Variants in ITGA6 observed in about 807,000 individuals in gnomAD.
The protein encoded by ITGA6 is integrin alpha-6.
In ITGA6, 63 loss-of-function variants were observed where a neutral mutation model predicts 133.6. That is an observed-to-expected ratio of 0.47 (90% CI 0.38 to 0.58). The LOEUF is 0.58. ITGA6 is among the 20% of genes least tolerant of loss of function. ITGA6 has a pLI of 0.00. For missense variants in ITGA6, 1,068 were observed against 1,309.4 expected (o/e 0.82, Z 2.85); for synonymous variants, 434 against 482.0 (o/e 0.90, Z 1.30).
rs1189584064 is a variant in ITGA6, at chr2:172,501,784, A to G, written c.3127A>G (p.Lys1043Glu). Reference sequence around the variant, plus strand: ...TGCTTCCTTGTAGTGTGGTTTCTTCAAGAGAAATAAGAAAGATCATTATGA... The same window carrying G: ...TGCTTCCTTGTAGTGTGGTTTCTTCGAGAGAAATAAGAAAGATCATTATGA... ...VFILWKCGFF[K>E]RNKKDHYDAT... Residue 1043 changes from lysine to glutamate, a missense_variant, in exon 25 of 26, where the codon AAG becomes GAG. Transcript: ENST00000684293. 1 of 1,612,512 alleles carries G rather than the reference A, an allele frequency of 6.2e-7. No individual in the cohort carries two copies. The highest frequency in any genetic ancestry group is 1.7e-5 in the Admixed American group (1 of 59,998).
At chr2:172,462,632 T>TTG (rs988174273) in intron 1 of ITGA6, among the ~76,000 whole-genome samples, 81 of 152,204 alleles carry the variant, frequency 5.3e-4, no homozygotes, top group African/African-American at 1.9e-3. Context: ...TGCCTATTCT[T>TTG]TGTCCCACAC....
rs1293127775 is a variant in ITGA6, at chr2:172,491,482, G to C, written c.2947G>C (p.Ala983Pro). Residue 983 changes from alanine (A) to proline (P), a missense_variant, in exon 23 of 26, where the codon GCT (alanine) becomes CCT (proline). Coordinates refer to ENST00000684293, the MANE Select transcript of ITGA6 (RefSeq NM_000210.4). The surrounding 1 kb of genome is among the most constrained non-coding windows in gnomAD (Gnocchi z 4.4). ...CATGCGAGCCTTCATTGATGTGACT[G>C]CTGCTGCCGAAAATATCAGGCTGCC... ...ILMRAFIDVT[A>P]AAENIRLPNA... 2 of 1,613,656 alleles carry C rather than the reference G, an allele frequency of 1.2e-6. No homozygotes were observed. The highest frequency in any genetic ancestry group is 1.7e-5 in the Admixed American group (1 of 59,996).
rs766807722 is a variant in ITGA6 at position 172,469,385 on chromosome 2, GA to G, written c.643+6del. 9 of 1,612,308 alleles carry G rather than the reference GA, an allele frequency of 5.6e-6. No homozygotes were observed. The South Asian group carries it at 9.9e-5, about 18-fold the overall frequency. ...CGGGTACTTATAACTGGAAAGGTAT[GA>G]CCTTTGTATTTATAGAAATAGAGAT... is the stretch of plus-strand genomic sequence containing the variant. On this transcript the variant is annotated splice_donor_region_variant and intron_variant, in intron 4 of 25. Coordinates refer to ENST00000684293, the MANE Select transcript of ITGA6 (RefSeq NM_000210.4).
At position 172,504,203 on chromosome 2, in the gene ITGA6, A is replaced by G. The variant is rs909434464; in HGVS notation, c.*135A>G. The G allele has an allele frequency of 1.3e-6, 2 of 1,586,390 alleles. No homozygotes were observed. The highest frequency in any genetic ancestry group is 1.7e-6 in the Non-Finnish European group (2 of 1,165,292). The stretch of plus-strand genomic sequence containing the variant: ...GATGAAAAGTATATTGATAACCTTG[A>G]AAAAAAACAGTGGATCACAAAGTGG... On this transcript the variant is annotated 3_prime_UTR_variant, in exon 26 of 26. Transcript: ENST00000684293.
intron 1 of ITGA6, among the ~76,000 whole-genome samples, chr2:172,446,776 T>G (rs937806829): frequency 3.3e-5 from 5 of 152,250 alleles, no homozygotes; most frequent in African/African-American, 1.2e-4. Flanking sequence ...TGGAGACAAT[T>G]ATCAGAACTT....
At chr2:172,500,810 C>T (rs28480655) in intron 24 of ITGA6, among the ~76,000 whole-genome samples, 29,986 of 152,098 alleles carry the variant, frequency 0.2, 4,230 homozygotes, top group African/African-American at 0.4. Flanking sequence ...TCATGTGTGG[C>T]GGTTAGGCAC....
At chr2:172,479,541 A>T in intron 9 of ITGA6, 100 bp from the exon 10 acceptor site, 2 of 947,204 alleles carry the variant, frequency 2.1e-6, no homozygotes, top group Non-Finnish European at 3.5e-6. Context: ...CTGTGTTTTT[A>T]AGCTGTGCTG....
At chr2:172,476,552 A>T (rs1325755400) in intron 9 of ITGA6, 39 bp downstream of exon 9, 1 of 1,186,368 alleles carries the variant, frequency 8.4e-7, no homozygotes, top group Admixed American at 1.7e-5. Context: ...CATGTTCTAT[A>T]ATCAGGTTAT....
intron 1 of ITGA6, among the ~76,000 whole-genome samples, chr2:172,439,570 G>A (rs1211420644): frequency 6.6e-6 from 1 of 151,846 alleles, no homozygotes; most frequent in African/African-American, 2.4e-5. Flanking sequence ...CTTCATTATA[G>A]TACAGAATGA....
At chr2:172,474,383 G>A (rs1302562103) in intron 6 of ITGA6, 118 bp downstream of exon 6, 20 of 868,484 alleles carry the variant, frequency 2.3e-5, no homozygotes, top group South Asian at 1.4e-4. Flanking sequence ...TTTTATTGCC[G>A]CATTTTTACC....
chr2:172,453,587 T>C (rs2149020548), intron 1 of ITGA6, among the ~76,000 whole-genome samples: 1 of 152,280 alleles, frequency 6.6e-6, no homozygotes, highest in South Asian at 2.1e-4. Flanking sequence ...AACTAGAGCC[T>C]TCGAAGGAGC....
intron 1 of ITGA6, 160 bp from the exon 2 acceptor site, chr2:172,465,379 C>T: frequency 1.2e-6 from 1 of 856,278 alleles, no homozygotes; most frequent in South Asian, 1.4e-5. Flanking sequence ...CATGAACCAG[C>T]CATAGGACTC....
At chr2:172,469,082 G>C in intron 3 of ITGA6, 43 bp from the exon 4 acceptor site, 1 of 1,611,548 alleles carries the variant, frequency 6.2e-7, no homozygotes, top group Non-Finnish European at 8.5e-7. Context: ...TAAAAACAAG[G>C]TTTATAGACA....
chr2:172,456,853 A>C (rs1685228598), intron 1 of ITGA6, among the ~76,000 whole-genome samples: 1 of 152,326 alleles, frequency 6.6e-6, no homozygotes. Context: ...TTGTTCTCTT[A>C]TGAGAGCTGC....
At chr2:172,432,660 C>T (rs56200204) in intron 1 of ITGA6, among the ~76,000 whole-genome samples, 10,132 of 152,244 alleles carry the variant, frequency 0.067, 379 homozygotes, top group South Asian at 0.18. Context: ...TTTTCAAAGG[C>T]GGGGGGTTCC....
At chr2:172,499,505 C>T (rs552138064) in intron 24 of ITGA6, among the ~76,000 whole-genome samples, 3 of 152,246 alleles carry the variant, frequency 2.0e-5, no homozygotes, top group South Asian at 2.1e-4. Flanking sequence ...GCTGGGACTA[C>T]GTGCCACCAC....
chr2:172,497,328 A>G (rs187851027), intron 23 of ITGA6, among the ~76,000 whole-genome samples: 1 of 152,120 alleles, frequency 6.6e-6, no homozygotes, highest in Admixed American at 6.5e-5. Context: ...CCCTGTCTCA[A>G]CAAAAAAATT....
intron 19 of ITGA6, among the ~76,000 whole-genome samples, chr2:172,489,024 T>C (rs1400538395): frequency 6.6e-6 from 1 of 152,186 alleles, no homozygotes; most frequent in East Asian, 1.9e-4. Context: ...ATGGCTGTCC[T>C]AATAATGGTT....
chr2:172,504,279 CA>C lies in ITGA6; in HGVS notation c.*212del. Reference sequence around the variant, plus strand: ...GGGGGCCTAAAAAAAAAAAGCTTCACAGTACCCAAACTGCTTTTTCCAACTC... The same window carrying C: ...GGGGGCCTAAAAAAAAAAAGCTTCACGTACCCAAACTGCTTTTTCCAACTC... On this transcript the variant is annotated 3_prime_UTR_variant, in exon 26 of 26. Transcript: ENST00000684293. 13 of 1,493,354 alleles carry C rather than the reference CA, an allele frequency of 8.7e-6. No individual in the cohort carries two copies. The highest frequency in any genetic ancestry group is 1.2e-5 in the Non-Finnish European group (13 of 1,114,068). The allele number at this position is 1,493,354 out of a possible 1,614,324, so 92.5% of individuals were successfully genotyped here. A position where few individuals can be genotyped will look rare whatever the true frequency, so the allele number is the denominator to read the frequency against.
Sources: gnomAD v4.1 joint callset for allele counts (sites outside exome capture counted in the v4.1 genomes callset) on GRCh38, gnomAD v4.1.1 for gene constraint, Gnocchi (gnomAD v3.1) non-coding constraint, MANE v1.5 for transcripts, NCBI Gene and HGNC (gene_info 2026-07-23, HGNC 2026-07-21) for gene names.